RFTN1: variants seen among roughly 807,000 people sequenced by gnomAD.
The protein encoded by RFTN1 is raftlin.
Under a neutral mutation model 46.5 loss-of-function variants are expected in RFTN1, and 26 were observed. The ratio of observed to expected loss-of-function variants is 0.56; its 90% CI spans 0.41 to 0.78. RFTN1 has a LOEUF of 0.78. Ranked by LOEUF, RFTN1 falls within the 30% of genes least tolerant of loss-of-function variation. The pLI is 0.00. For synonymous variants in RFTN1, 261 were observed against 284.2 expected (o/e 0.92, Z 0.82); for missense variants, 693 against 718.7 (o/e 0.96, Z 0.41).
At position 16,442,161 on chromosome 3, in the gene RFTN1, C is replaced by T. The variant is rs1341346665; in HGVS notation, c.146-8124G>A. Among the ~76,000 whole-genome samples the T allele has an allele frequency of 6.6e-6, 1 of 152,084 alleles. No individual in the cohort carries two copies. Among genetic ancestry groups the T allele is most frequent in the East Asian group, 1.9e-4 (1 of 5,194 alleles). ...AAACAAAACAAAACAAAACAAAACA[C>T]ATATCCAGGCTCAGGAGACCACACC... On this transcript the variant is annotated intron_variant, in intron 2 of 9. Coordinates refer to ENST00000334133, the MANE Select transcript of RFTN1 (RefSeq NM_015150.2). This position sits in a 1 kb window ranked among gnomAD's most constrained non-coding sequence, Gnocchi z 4.1.
Position 16,348,614 on chromosome 3 carries a change from C to A in RFTN1, c.1146+9318G>T, listed in dbSNP as rs1000039465. ...TTTCCTTTGTAGGATGTCTTCTTCC[C>A]GAGGCTCCTTGATGTGTGGGGCCTC... On this transcript the variant is annotated intron_variant, in intron 7 of 9. Transcript: ENST00000334133. This position sits in a 1 kb window ranked among gnomAD's most constrained non-coding sequence, Gnocchi z 6.3. Among the ~76,000 whole-genome samples the A allele has an allele frequency of 3.3e-5, 5 of 152,108 alleles. No individual in the cohort carries two copies. The highest frequency in any genetic ancestry group is 5.9e-5 in the Non-Finnish European group (4 of 68,016).
At chr3:16,394,427 T>C (rs964378202) in intron 4 of RFTN1, among the ~76,000 whole-genome samples, 4 of 152,060 alleles carry the variant, frequency 2.6e-5, no homozygotes, top group African/African-American at 9.7e-5. Flanking sequence ...TACACACAAA[T>C]GAACACCAAT....
intron 2 of RFTN1, among the ~76,000 whole-genome samples, chr3:16,456,977 C>T (rs976997644): frequency 1.3e-5 from 2 of 152,204 alleles, no homozygotes; most frequent in African/African-American, 4.8e-5. Flanking sequence ...AAAACAAACA[C>T]TCTGTGTATT....
rs1168936019 is a variant in RFTN1, at chr3:16,327,685, C to T, written c.1147-809G>A. 3.3e-5 allele frequency among the ~76,000 whole-genome samples: 5 copies of T among 152,014 alleles called. No individual in the cohort carries two copies. In the South Asian group the frequency reaches 6.2e-4, roughly 19 times the overall value. On this transcript the variant is annotated intron_variant, in intron 7 of 9. Coordinates refer to ENST00000334133, the MANE Select transcript of RFTN1 (RefSeq NM_015150.2). The surrounding 1 kb of genome is among the most constrained non-coding windows in gnomAD (Gnocchi z 4.2). ...CTGAGGCAGGAGAATGGCGTGAACCCGGGAGGTGGAGCTTGCAGTGAGCTG... is the reference window on the plus strand; with the variant it reads ...CTGAGGCAGGAGAATGGCGTGAACCTGGGAGGTGGAGCTTGCAGTGAGCTG...
rs1463405446 is a variant in RFTN1 at position 16,387,602 on chromosome 3, C to CTCTCTCTCTA, written c.442-9510_442-9501dup. ...TCTCTCTCTCTCTCTCTCTCTCTCT[C>CTCTCTCTCTA]TCTCTCTCTACTGGCTCCTTCCACT... is the stretch of plus-strand genomic sequence containing the variant. On this transcript the variant is annotated intron_variant, in intron 4 of 9. Transcript: ENST00000334133. The surrounding 1 kb of genome is among the most constrained non-coding windows in gnomAD (Gnocchi z 5.2). Among the ~76,000 whole-genome samples the CTCTCTCTCTA allele has an allele frequency of 6.7e-6, 1 of 149,864 alleles. No homozygotes were observed. The highest frequency in any genetic ancestry group is 1.9e-4 in the East Asian group (1 of 5,154).
intron 4 of RFTN1, among the ~76,000 whole-genome samples, chr3:16,392,767 G>A (rs187133150): frequency 2.0e-5 from 3 of 152,144 alleles, no homozygotes; most frequent in South Asian, 2.1e-4. Flanking sequence ...CTGCTGGGAC[G>A]TATGAAGCAT....
rs555493794 is a variant in RFTN1 at position 16,354,792 on chromosome 3, C to T, written c.1146+3140G>A. ...TTTTCAGTTTGTTTCTCTCTTCCTGCATTTTACTATCAACAGCCAAGAACA... is the reference window on the plus strand; with the variant it reads ...TTTTCAGTTTGTTTCTCTCTTCCTGTATTTTACTATCAACAGCCAAGAACA... On this transcript the variant is annotated intron_variant, in intron 7 of 9. Coordinates refer to ENST00000334133, the MANE Select transcript of RFTN1 (RefSeq NM_015150.2). Among the ~76,000 whole-genome samples the T allele has an allele frequency of 4.6e-5, 7 of 152,340 alleles. No homozygotes were observed. In the South Asian group the frequency reaches 1.5e-3, roughly 32 times the overall value.
At chr3:16,331,500 A>G (rs1160033042) in intron 7 of RFTN1, among the ~76,000 whole-genome samples, 1 of 152,110 alleles carries the variant, frequency 6.6e-6, no homozygotes, top group East Asian at 1.9e-4. Flanking sequence ...TCTTTTTTAT[A>G]TAACCCTCTG....
At chr3:16,393,922 A>G (rs13070905) in intron 4 of RFTN1, among the ~76,000 whole-genome samples, 25,209 of 151,984 alleles carry the variant, frequency 0.17, 2,373 homozygotes, top group East Asian at 0.3. Context: ...GCCTCCCAAA[A>G]TGCTGGGATT....
At position 16,334,154 on chromosome 3, in the gene RFTN1, G is replaced by C. The variant is rs1395598038; in HGVS notation, c.1147-7278C>G. Among the ~76,000 whole-genome samples, 2 of 152,180 alleles carry C rather than the reference G, an allele frequency of 1.3e-5. No homozygotes were observed. The highest frequency in any genetic ancestry group is 2.9e-5 in the Non-Finnish European group (2 of 68,036). Reference sequence around the variant, plus strand: ...CACTCCAGCCTGGGCGACAGAGCAAGACTCTGTCTCAAAACAAAAACAAAA... The same window carrying C: ...CACTCCAGCCTGGGCGACAGAGCAACACTCTGTCTCAAAACAAAAACAAAA... On this transcript the variant is annotated intron_variant, in intron 7 of 9. Coordinates refer to ENST00000334133, the MANE Select transcript of RFTN1 (RefSeq NM_015150.2). This position sits in a 1 kb window ranked among gnomAD's most constrained non-coding sequence, Gnocchi z 4.3.
At chr3:16,397,432 G>A (rs1019499748) in intron 4 of RFTN1, among the ~76,000 whole-genome samples, 2 of 152,122 alleles carry the variant, frequency 1.3e-5, no homozygotes, top group Non-Finnish European at 2.9e-5. Context: ...CACAGCATGA[G>A]GACTACAGTT....
rs202103565 is a variant in RFTN1 at position 16,336,675 on chromosome 3, T to TAAA, written c.1147-9802_1147-9800dup. On this transcript the variant is annotated intron_variant, in intron 7 of 9. Transcript: ENST00000334133. The surrounding 1 kb of genome is among the most constrained non-coding windows in gnomAD (Gnocchi z 6.0). The stretch of plus-strand genomic sequence containing the variant: ...TTCAAAGAGAATAATTTTTTTTTTT[T>TAAA]AAAAAAGCTTAGTTCTTAGATGCAG... 2.0e-5 allele frequency among the ~76,000 whole-genome samples: 3 copies of TAAA among 151,660 alleles called. No individual in the cohort carries two copies. Among genetic ancestry groups the TAAA allele is most frequent in the East Asian group, 3.9e-4 (2 of 5,180 alleles).
chr3:16,401,257 G>A (rs940336256), intron 4 of RFTN1, among the ~76,000 whole-genome samples: 4 of 151,394 alleles, frequency 2.6e-5, no homozygotes, highest in South Asian at 2.1e-4. Flanking sequence ...TGGGTAGGTC[G>A]AGGCTTCAGT....
In RFTN1 at chr3:16,494,826, C is replaced by G. The variant is rs142275350; in HGVS notation, c.-8-949G>C. 2.4e-3 allele frequency among the ~76,000 whole-genome samples: 362 copies of G among 152,310 alleles called. 3 individuals are homozygous for G. The highest frequency in any genetic ancestry group is 3.6e-3 in the Non-Finnish European group (242 of 68,032). On this transcript the variant is annotated intron_variant, in intron 1 of 9. Coordinates refer to ENST00000334133, the MANE Select transcript of RFTN1 (RefSeq NM_015150.2). Reference sequence around the variant, plus strand: ...GATGCTTTCCTCCTCTCTGGGGTACCACTGCTGCCATCAGAACATATTTCA... The same window carrying G: ...GATGCTTTCCTCCTCTCTGGGGTACGACTGCTGCCATCAGAACATATTTCA...
At chr3:16,497,254 T>C (rs555090785) in intron 1 of RFTN1, among the ~76,000 whole-genome samples, 11 of 152,248 alleles carry the variant, frequency 7.2e-5, no homozygotes, top group African/African-American at 2.4e-4. Flanking sequence ...ACCTTACAAA[T>C]GCACAGATAC....
At chr3:16,397,795 TTTC>T (rs869064751) in intron 4 of RFTN1, among the ~76,000 whole-genome samples, 4 of 37,202 alleles carry the variant, frequency 1.1e-4, no homozygotes, top group African/African-American at 2.3e-4. Context: ...TCTCTCTCTC[TTTC>T]TTTTTTCTTT....
chr3:16,393,120 C>T (rs1452648883), intron 4 of RFTN1, among the ~76,000 whole-genome samples: 11 of 152,018 alleles, frequency 7.2e-5, no homozygotes, highest in African/African-American at 2.2e-4. Context: ...AAAACAGTAA[C>T]GTGTCTTAAG....
chr3:16,404,395 T>TAC lies in RFTN1; in HGVS notation c.441+4978_441+4979dup, dbSNP rs113496379. ...TAATATATATAATATATAATATATATACAATATATAATATATATACACAAT... is the reference window on the plus strand; with the variant it reads ...TAATATATATAATATATAATATATATACACAATATATAATATATATACACAAT... On this transcript the variant is annotated intron_variant, in intron 4 of 9. Transcript: ENST00000334133. Among the ~76,000 whole-genome samples the TAC allele has an allele frequency of 4.0e-3, 80 of 19,810 alleles. 19 individuals are homozygous for TAC. The East Asian group carries it at 0.076, about 19-fold the overall frequency. 13.0% of individuals were successfully genotyped at this position (19,810 alleles called of 152,430 possible). A position where few individuals can be genotyped will look rare whatever the true frequency, so the allele number is the denominator to read the frequency against.
In RFTN1 at chr3:16,327,355, C is replaced by G. The variant is rs1288976067; in HGVS notation, c.1147-479G>C. On this transcript the variant is annotated intron_variant, in intron 7 of 9. Transcript: ENST00000334133. The surrounding 1 kb of genome is among the most constrained non-coding windows in gnomAD (Gnocchi z 4.2). Reference sequence around the variant, plus strand: ...GCACATCCACATGTGTGTGTACACGCAGAAGCTGCTTTGCCTGTGTTATGT... The same window carrying G: ...GCACATCCACATGTGTGTGTACACGGAGAAGCTGCTTTGCCTGTGTTATGT... Among the ~76,000 whole-genome samples, 1 of 152,198 alleles carries G rather than the reference C, an allele frequency of 6.6e-6. No individual in the cohort carries two copies. The highest frequency in any genetic ancestry group is 1.5e-5 in the Non-Finnish European group (1 of 68,040).
Sources: allele counts gnomAD v4.1 joint callset (sites outside exome capture counted in the v4.1 genomes callset), GRCh38; gene constraint gnomAD v4.1.1; non-coding constraint Gnocchi (gnomAD v3.1); transcripts MANE v1.5; gene names NCBI Gene and HGNC (gene_info 2026-07-23, HGNC 2026-07-21).